The following NOX4 variants were observed in gnomAD, a reference collection of about 807,000 sequenced individuals.
NOX4 encodes NADPH oxidase 4, also known as kidney oxidase-1.
Under a neutral mutation model 87.6 loss-of-function variants are expected in NOX4, and 69 were observed. The observed-to-expected ratio is 0.79, with a 90% CI of 0.65 to 0.96. The LOEUF (loss-of-function observed/expected upper bound fraction) is 0.96, where lower values mean the gene tolerates loss of function less well. Among genes scored for constraint, NOX4 ranks in the 40% least tolerant of loss-of-function variants. The pLI, the probability that NOX4 is intolerant of heterozygous loss-of-function variation, is 0.00. For synonymous variants in NOX4, 275 were observed against 238.2 expected, an observed-to-expected ratio of 1.15 and a Z score of -1.42; for missense variants, 680 against 681.5, an observed-to-expected ratio of 1.00 and a Z score of 0.02.
the NOX4 span, among the ~76,000 whole-genome samples, chr11:89,556,453 G>A: frequency 6.0e-5 from 9 of 150,834 alleles, no homozygotes; most frequent in African/African-American, 2.2e-4. Context: ...AACCTGGGAG[G>A]CAGAGATTGC....
At chr11:89,330,550 T>C (rs1431334103) in intron 17 of NOX4, among the ~76,000 whole-genome samples, 1 of 151,528 alleles carries the variant, frequency 6.6e-6, no homozygotes, top group Non-Finnish European at 1.5e-5. Flanking sequence ...AAGAATTTGC[T>C]TTTCTAACAA....
intron 2 of NOX4, among the ~76,000 whole-genome samples, chr11:89,456,639 A>G (rs1007954749): frequency 1.3e-5 from 2 of 152,168 alleles, no homozygotes; most frequent in African/African-American, 4.8e-5. Flanking sequence ...GAATGAGCTA[A>G]ACAGGTGAGG....
intron 3 of NOX4, among the ~76,000 whole-genome samples, chr11:89,451,221 G>T (rs1190031740): frequency 6.6e-6 from 1 of 151,992 alleles, no homozygotes; most frequent in African/African-American, 2.4e-5. Flanking sequence ...AATAAAAAAA[G>T]ACATGTTTCT....
chr11:89,362,421 G>T (rs1244832738), intron 12 of NOX4, among the ~76,000 whole-genome samples: 2 of 151,948 alleles, frequency 1.3e-5, no homozygotes, highest in Admixed American at 6.6e-5. Context: ...AATCCATTTT[G>T]ATTACTCTTC....
intron 11 of NOX4, among the ~76,000 whole-genome samples, chr11:89,383,666 C>G (rs1591075388): frequency 6.6e-6 from 1 of 152,170 alleles, no homozygotes; most frequent in South Asian, 2.1e-4. Flanking sequence ...AACTCCCCAA[C>G]TCTGATGCCA....
rs146402335 is a variant in NOX4, at chr11:89,429,048, T to G, written c.548+3736A>C. 1.9e-3 allele frequency among the ~76,000 whole-genome samples: 285 copies of G among 152,288 alleles called. 1 individual carries two copies. Among genetic ancestry groups the G allele is most frequent in the African/African-American group, 6.4e-3 (268 of 41,568 alleles). ...GTGCAATCAAACTAGAACTCAGGAT[T>G]AAGAACTCACTCAAAACCGCTCAAC... On this transcript the variant is annotated intron_variant, in intron 7 of 17. Transcript: ENST00000263317.
At chr11:89,476,824 T>A (rs961213060) in intron 2 of NOX4, among the ~76,000 whole-genome samples, 11 of 152,148 alleles carry the variant, frequency 7.2e-5, no homozygotes, top group Non-Finnish European at 8.8e-5. Context: ...CACGGCCACA[T>A]AAATAGACTT....
chr11:89,456,013 A>G (rs1945182603), intron 2 of NOX4, among the ~76,000 whole-genome samples: 1 of 152,096 alleles, frequency 6.6e-6, no homozygotes, highest in Admixed American at 6.5e-5. Flanking sequence ...TGATAGCACA[A>G]TAAGGCAACT....
intron 11 of NOX4, among the ~76,000 whole-genome samples, chr11:89,391,093 C>A (rs1941088425): frequency 6.6e-6 from 1 of 152,124 alleles, no homozygotes; most frequent in South Asian, 2.1e-4. Context: ...ACTCTTTCAA[C>A]AGATATGCAT....
the NOX4 span, among the ~76,000 whole-genome samples, chr11:89,507,847 G>T: frequency 5.9e-5 from 9 of 151,554 alleles, no homozygotes; most frequent in Non-Finnish European, 1.2e-4. Flanking sequence ...TAGCAGTGAT[G>T]GGCCTTTAAA....
At chr11:89,535,095 A>G in the NOX4 span, among the ~76,000 whole-genome samples, 1 of 152,096 alleles carries the variant, frequency 6.6e-6, no homozygotes. Flanking sequence ...TTCTTGTTAC[A>G]TTTTTTTCTT....
intron 2 of NOX4, among the ~76,000 whole-genome samples, chr11:89,489,348 C>T (rs1324327550): frequency 6.6e-6 from 1 of 151,288 alleles, no homozygotes; most frequent in Non-Finnish European, 1.5e-5. Flanking sequence ...TTTTTCTGCA[C>T]CCCCCCACTC....
chr11:89,475,533 T>C (rs1362093579), intron 2 of NOX4, among the ~76,000 whole-genome samples: 3 of 152,034 alleles, frequency 2.0e-5, no homozygotes, highest in Non-Finnish European at 4.4e-5. Context: ...ATTTAATGGC[T>C]TAGGATGGAA....
At chr11:89,574,080 G>T in the NOX4 span, among the ~76,000 whole-genome samples, 1 of 152,134 alleles carries the variant, frequency 6.6e-6, no homozygotes, top group Admixed American at 6.5e-5. Flanking sequence ...TGGTAAGGAG[G>T]TTGTCTCTCC....
rs201916727 is a variant in NOX4, at chr11:89,325,885, G to GTATATATA, written c.*863_*870dup. On this transcript the variant is annotated 3_prime_UTR_variant, in exon 18 of 18. Transcript: ENST00000263317. The stretch of plus-strand genomic sequence containing the variant: ...AAAGGGAAAAGTTATTAGTATATGT[G>GTATATATA]TATATATATATATATATATATATAT... 11 of 137,192 alleles carry GTATATATA rather than the reference G, an allele frequency of 8.0e-5. No individual in the cohort carries two copies. In the East Asian group the frequency reaches 8.5e-4, roughly 11 times the overall value. 8.5% of individuals were successfully genotyped at this position (137,192 alleles called of 1,614,324 possible).
At chr11:89,431,794 G>A (rs575735914) in intron 7 of NOX4, among the ~76,000 whole-genome samples, 22 of 152,260 alleles carry the variant, frequency 1.4e-4, no homozygotes, top group South Asian at 4.1e-4. Context: ...ACAGTGTGGC[G>A]ATTCCTCAGG....
chr11:89,437,858 C>T (rs1469101648), intron 6 of NOX4, among the ~76,000 whole-genome samples: 2 of 152,088 alleles, frequency 1.3e-5, no homozygotes, highest in Non-Finnish European at 2.9e-5. Flanking sequence ...AGTATTTATA[C>T]ATAACATGTG....
At chr11:89,333,344 T>TA (rs1053981864) in intron 17 of NOX4, among the ~76,000 whole-genome samples, 1 of 151,716 alleles carries the variant, frequency 6.6e-6, no homozygotes, top group African/African-American at 2.4e-5. Context: ...CAATTTTTGT[T>TA]AAAAAACTAA....
chr11:89,401,579 G>A (rs574944745), intron 9 of NOX4, among the ~76,000 whole-genome samples: 4 of 152,096 alleles, frequency 2.6e-5, no homozygotes, highest in South Asian at 2.1e-4. Flanking sequence ...GGAATAAAAG[G>A]TGTAATTTGC....
Sources: gnomAD v4.1 joint callset for allele counts (sites outside exome capture counted in the v4.1 genomes callset) on GRCh38, gnomAD v4.1.1 for gene constraint, MANE v1.5 for transcripts, NCBI Gene and HGNC (gene_info 2026-07-23, HGNC 2026-07-21) for gene names.